Variants in GRAMD1B observed in about 807,000 individuals in gnomAD.
GRAMD1B encodes GRAM domain containing 1B.
GRAMD1B carries 37 observed loss-of-function variants against 99.7 expected under a neutral mutation model. The ratio of observed to expected loss-of-function variants is 0.37; its 90% confidence interval spans 0.29 to 0.49. The LOEUF (loss-of-function observed/expected upper bound fraction) is 0.49, where lower values mean the gene tolerates loss of function less well. GRAMD1B is among the 20% of genes least tolerant of loss of function. The pLI, the probability that GRAMD1B is intolerant of heterozygous loss-of-function variation, is 0.98. For missense variants in GRAMD1B, 888 were observed against 1,009.2 expected (o/e 0.88, Z 1.63); for synonymous variants, 427 against 387.6 (o/e 1.10, Z -1.19).
At chr11:123,548,311 T>TACACACAC (rs1249243804) in intron 2 of GRAMD1B, among the ~76,000 whole-genome samples, 2 of 84,330 alleles carry the variant, frequency 2.4e-5, no homozygotes, top group East Asian at 7.1e-4. Flanking sequence ...TATATATATA[T>TACACACAC]ATATATATAT....
chr11:123,484,618 G>A (rs1437776091), intron 2 of GRAMD1B, among the ~76,000 whole-genome samples: 1 of 152,150 alleles, frequency 6.6e-6, no homozygotes, highest in Non-Finnish European at 1.5e-5. Flanking sequence ...GAGGAACAGA[G>A]AGAATGTGGT....
chr11:123,385,362 A>T (rs1251604539), intron 1 of GRAMD1B, among the ~76,000 whole-genome samples: 1 of 152,152 alleles, frequency 6.6e-6, no homozygotes, highest in Non-Finnish European at 1.5e-5. Flanking sequence ...AGCAGATATG[A>T]CCATGCCATT....
intron 2 of GRAMD1B, among the ~76,000 whole-genome samples, chr11:123,568,663 G>A (rs1408051277): frequency 6.6e-6 from 1 of 152,192 alleles, no homozygotes; most frequent in East Asian, 1.9e-4. Context: ...GTCCCTTGCT[G>A]AAATGCAACC....
At chr11:123,433,681 T>TGC (rs1357860749) in intron 1 of GRAMD1B, among the ~76,000 whole-genome samples, 25 of 30,468 alleles carry the variant, frequency 8.2e-4, no homozygotes, top group Middle Eastern at 0.036. Flanking sequence ...GTTACGTGCG[T>TGC]GTGTGTGTGT....
chr11:123,531,532 C>T (rs536493244), intron 2 of GRAMD1B, among the ~76,000 whole-genome samples: 6 of 152,228 alleles, frequency 3.9e-5, no homozygotes, highest in South Asian at 4.1e-4. Flanking sequence ...GCTGCTGGCT[C>T]GAAGCCCTTC....
intron 2 of GRAMD1B, among the ~76,000 whole-genome samples, chr11:123,577,002 GATGGT>G (rs1948773546): frequency 6.6e-6 from 1 of 152,260 alleles, no homozygotes; most frequent in Non-Finnish European, 1.5e-5. Flanking sequence ...GATTGTATTG[GATGGT>G]CTCCAGTGAG....
At chr11:123,360,943 A>G (rs146427741) in intron 1 of GRAMD1B, among the ~76,000 whole-genome samples, 252 of 151,944 alleles carry the variant, frequency 1.7e-3, no homozygotes, top group African/African-American at 5.8e-3. Flanking sequence ...CAGCCTCCCG[A>G]GTAGCTGGGA....
rs576400702 is a variant in GRAMD1B at position 123,420,513 on chromosome 11, A to AT, written c.-175-60295dup. Among the ~76,000 whole-genome samples the AT allele has an allele frequency of 2.9e-3, 447 of 152,216 alleles. 1 individual carries two copies. The highest frequency in any genetic ancestry group is 1.0e-2 in the African/African-American group (414 of 41,538). The stretch of plus-strand genomic sequence containing the variant: ...TTCTGCTAAATATTTGGGATAGTGC[A>AT]TTTTTTTTCTCTTTAATATTTAGAA... On this transcript the variant is annotated intron_variant, in intron 1 of 20. Coordinates refer to the GRAMD1B transcript ENST00000638157.
intron 2 of GRAMD1B, among the ~76,000 whole-genome samples, chr11:123,498,695 G>A (rs1031066696): frequency 1.3e-5 from 2 of 152,098 alleles, no homozygotes; most frequent in Non-Finnish European, 2.9e-5. Context: ...TGAGTGTCCC[G>A]CTGGTTAGAC....
chr11:123,397,396 G>A (rs1396799618), intron 1 of GRAMD1B, among the ~76,000 whole-genome samples: 1 of 145,504 alleles, frequency 6.9e-6, no homozygotes, highest in African/African-American at 2.8e-5. Context: ...GACAGAGCGA[G>A]ACTCTGTCTC....
intron 1 of GRAMD1B, among the ~76,000 whole-genome samples, chr11:123,374,914 C>G (rs1946643383): frequency 6.6e-6 from 1 of 152,182 alleles, no homozygotes; most frequent in Middle Eastern, 3.2e-3. Flanking sequence ...TTCATTTGAC[C>G]TTGGCATTGA....
At chr11:123,588,968 T>A in intron 4 of GRAMD1B, among the ~76,000 whole-genome samples, 1 of 152,102 alleles carries the variant, frequency 6.6e-6, no homozygotes. Flanking sequence ...ATTTCCTATA[T>A]CCCTTATACA....
intron 2 of GRAMD1B, among the ~76,000 whole-genome samples, chr11:123,570,217 C>T (rs1380924181): frequency 1.3e-5 from 2 of 152,090 alleles, no homozygotes; most frequent in East Asian, 1.9e-4. Flanking sequence ...TTCCTGAGGC[C>T]ATCCACTGGA....
intron 15 of GRAMD1B, 83 bp from the exon 16 acceptor site, chr11:123,613,372 T>A: frequency 9.5e-7 from 1 of 1,051,072 alleles, no homozygotes; most frequent in East Asian, 2.6e-5. Context: ...CTTCCCAGAA[T>A]ACAGAATAGG....
intron 1 of GRAMD1B, among the ~76,000 whole-genome samples, chr11:123,409,878 T>C (rs141965291): frequency 6.6e-6 from 1 of 152,284 alleles, no homozygotes; most frequent in East Asian, 1.9e-4. Context: ...TCTCCAAAGG[T>C]GTAGTGAGTG....
intron 1 of GRAMD1B, among the ~76,000 whole-genome samples, chr11:123,397,038 A>G (rs1947488332): frequency 1.3e-5 from 2 of 152,174 alleles, no homozygotes; most frequent in Admixed American, 6.5e-5. Flanking sequence ...ACATTTTATA[A>G]CACCAAAATC....
At chr11:123,534,856 C>G (rs1000623471) in intron 2 of GRAMD1B, among the ~76,000 whole-genome samples, 1 of 150,998 alleles carries the variant, frequency 6.6e-6, no homozygotes, top group African/African-American at 2.5e-5. Flanking sequence ...AAGAGCGAAA[C>G]TCCATCTCAA....
intron 8 of GRAMD1B, among the ~76,000 whole-genome samples, chr11:123,602,700 A>G (rs1952133660): frequency 6.6e-6 from 1 of 152,164 alleles, no homozygotes; most frequent in African/African-American, 2.4e-5. Flanking sequence ...CCCAATGAGA[A>G]CAAACTTTTC....
intron 3 of GRAMD1B, among the ~76,000 whole-genome samples, chr11:123,583,406 G>GTGTGT (rs1949680569): frequency 6.6e-6 from 1 of 152,010 alleles, no homozygotes; most frequent in Admixed American, 6.6e-5. Context: ...GTGTGTGTGT[G>GTGTGT]TGTCTGTGTA....
Sources: allele counts gnomAD v4.1 joint callset (sites outside exome capture counted in the v4.1 genomes callset), GRCh38; gene constraint gnomAD v4.1.1; transcripts MANE v1.5; gene names NCBI Gene and HGNC (gene_info 2026-07-23, HGNC 2026-07-21).